NECAB1: variants seen among roughly 807,000 people sequenced by gnomAD.
The protein encoded by NECAB1 is N-terminal EF-hand calcium-binding protein 1.
In NECAB1, 29 loss-of-function variants were observed where a neutral mutation model predicts 57.5. The observed-to-expected ratio is 0.50, with a 90% CI of 0.38 to 0.69. NECAB1 has a LOEUF of 0.69. Ranked by LOEUF, NECAB1 falls within the 30% of genes least tolerant of loss-of-function variation. The pLI is 0.00. For synonymous variants in NECAB1, 142 were observed against 147.7 expected (o/e 0.96, Z 0.28); for missense variants, 372 against 413.8 (o/e 0.90, Z 0.88).
chr8:90,833,676 T>C (rs976541458), intron 3 of NECAB1, among the ~76,000 whole-genome samples: 1 of 152,164 alleles, frequency 6.6e-6, no homozygotes, highest in African/African-American at 2.4e-5. Context: ...TTTTCTTAAG[T>C]CATCAATATC....
intron 2 of NECAB1, among the ~76,000 whole-genome samples, chr8:90,805,586 C>A (rs1004133734): frequency 1.3e-5 from 2 of 151,152 alleles, no homozygotes; most frequent in African/African-American, 4.9e-5. Context: ...AGGAGAGATG[C>A]TAGTGCTTTG....
At chr8:90,849,036 A>T (rs943058287) in intron 3 of NECAB1, among the ~76,000 whole-genome samples, 10 of 152,148 alleles carry the variant, frequency 6.6e-5, no homozygotes, top group Non-Finnish European at 1.3e-4. Flanking sequence ...CAATGATTCA[A>T]TTACCTCCCA....
intron 3 of NECAB1, among the ~76,000 whole-genome samples, chr8:90,844,835 G>C (rs1355694636): frequency 1.3e-5 from 2 of 152,104 alleles, no homozygotes; most frequent in Non-Finnish European, 2.9e-5. Context: ...TTTTTTAATT[G>C]AAAAGTTAAA....
intron 2 of NECAB1, chr8:90,806,334 C>T (rs970387994): frequency 6.6e-6 from 1 of 152,128 alleles, no homozygotes; most frequent in Non-Finnish European, 1.5e-5. Flanking sequence ...CACATACCCC[C>T]AGGTCCACCG....
intron 1 of NECAB1, among the ~76,000 whole-genome samples, chr8:90,794,264 C>T (rs1025193909): frequency 6.6e-6 from 1 of 152,102 alleles, no homozygotes; most frequent in Non-Finnish European, 1.5e-5. Flanking sequence ...TGGATCATAC[C>T]ACTTTTAGCA....
At chr8:90,815,180 A>G (rs1174653531) in intron 2 of NECAB1, among the ~76,000 whole-genome samples, 2 of 151,954 alleles carry the variant, frequency 1.3e-5, no homozygotes, top group South Asian at 2.1e-4. Flanking sequence ...AGAATGTTTA[A>G]CTCATAGCCT....
At chr8:90,869,166 A>G (rs1391686638) in intron 3 of NECAB1, among the ~76,000 whole-genome samples, 1 of 152,212 alleles carries the variant, frequency 6.6e-6, no homozygotes, top group Non-Finnish European at 1.5e-5. Context: ...GAGGGTTGGG[A>G]GCTTCTGCCT....
chr8:90,825,607 G>A lies in NECAB1; in HGVS notation c.233+782G>A, dbSNP rs189313468. Among the ~76,000 whole-genome samples the A allele has an allele frequency of 2.6e-5, 4 of 151,948 alleles. No homozygotes were observed. The East Asian group carries it at 5.8e-4, about 22-fold the overall frequency. ...AAATCATTATATTTCCTTAGGCAAAGTGTTGAGATGGCTCCAGGCAGTGAG... is the reference window on the plus strand; with the variant it reads ...AAATCATTATATTTCCTTAGGCAAAATGTTGAGATGGCTCCAGGCAGTGAG... On this transcript the variant is annotated intron_variant, in intron 3 of 12. Coordinates refer to ENST00000417640, the MANE Select transcript of NECAB1 (RefSeq NM_022351.5).
At chr8:90,842,515 G>A (rs767106586) in intron 3 of NECAB1, among the ~76,000 whole-genome samples, 1 of 152,140 alleles carries the variant, frequency 6.6e-6, no homozygotes, top group Non-Finnish European at 1.5e-5. Context: ...TGTGTGGGTG[G>A]GCTTATTGGT....
chr8:90,907,151 T>TGAGAGAGAGAGAGAGAGAGAGAGA (rs71266152), intron 5 of NECAB1, among the ~76,000 whole-genome samples: 1 of 102,042 alleles, frequency 9.8e-6, no homozygotes, highest in Non-Finnish European at 1.9e-5. Context: ...TGTGTGTGTG[T>TGAGAGAGAGAGAGAGAGAGAGAGA]GAGAGAGAGA....
At chr8:90,936,313 A>G (rs1000353398) in intron 9 of NECAB1, among the ~76,000 whole-genome samples, 7 of 152,154 alleles carry the variant, frequency 4.6e-5, no homozygotes, top group Non-Finnish European at 1.0e-4. Flanking sequence ...CAGAAAGCAA[A>G]GAATAAATTT....
At chr8:90,884,290 T>G (rs1394446795) in intron 5 of NECAB1, among the ~76,000 whole-genome samples, 4 of 152,198 alleles carry the variant, frequency 2.6e-5, no homozygotes, top group Non-Finnish European at 5.9e-5. Flanking sequence ...GATTTTAGCA[T>G]CTACAGATCC....
intron 3 of NECAB1, among the ~76,000 whole-genome samples, chr8:90,854,997 G>C (rs915633796): frequency 6.6e-6 from 1 of 152,186 alleles, no homozygotes; most frequent in Non-Finnish European, 1.5e-5. Flanking sequence ...GGGTGACAGA[G>C]TATCCTAATA....
intron 12 of NECAB1, among the ~76,000 whole-genome samples, chr8:90,951,999 C>A (rs939578969): frequency 2.0e-5 from 3 of 152,072 alleles, no homozygotes; most frequent in African/African-American, 7.2e-5. Context: ...AAAGGTGTCA[C>A]TAAGGCATAA....
intron 5 of NECAB1, among the ~76,000 whole-genome samples, chr8:90,917,281 C>T (rs989989506): frequency 1.3e-5 from 2 of 151,960 alleles, no homozygotes; most frequent in Admixed American, 1.3e-4. Flanking sequence ...CAAGATATTC[C>T]AGTCATTTCT....
At chr8:90,822,035 A>G (rs761058129) in intron 2 of NECAB1, among the ~76,000 whole-genome samples, 7 of 151,888 alleles carry the variant, frequency 4.6e-5, no homozygotes, top group Admixed American at 6.6e-5. Context: ...TATTTTCAGG[A>G]TAAACTTGGA....
chr8:90,853,563 ATTTG>A (rs1273056117), intron 3 of NECAB1, among the ~76,000 whole-genome samples: 9 of 152,074 alleles, frequency 5.9e-5, no homozygotes, highest in Non-Finnish European at 1.3e-4. Context: ...TTCTTAGAGT[ATTTG>A]TTTATTTATT....
chr8:90,866,783 G>A (rs2129828426), intron 3 of NECAB1, among the ~76,000 whole-genome samples: 1 of 152,216 alleles, frequency 6.6e-6, no homozygotes, highest in African/African-American at 2.4e-5. Flanking sequence ...GGAGAAATAG[G>A]AACACTTTTA....
intron 3 of NECAB1, among the ~76,000 whole-genome samples, chr8:90,860,024 A>G (rs1812867848): frequency 6.6e-6 from 1 of 152,096 alleles, no homozygotes; most frequent in Non-Finnish European, 1.5e-5. Flanking sequence ...CCATGCAGCT[A>G]GAGGACAAGA....
Sources: allele counts gnomAD v4.1 joint callset (sites outside exome capture counted in the v4.1 genomes callset), GRCh38; gene constraint gnomAD v4.1.1; transcripts MANE v1.5; gene names NCBI Gene and HGNC (gene_info 2026-07-23, HGNC 2026-07-21).